The following SMCO4 variants were observed in gnomAD, a reference collection of about 807,000 sequenced individuals.
The protein encoded by SMCO4 is single-pass membrane and coiled-coil domain-containing protein 4.
A neutral mutation model predicts 3.6 loss-of-function variants in SMCO4; 4 were observed. The ratio of observed to expected loss-of-function variants is 1.11; its 90% CI spans 0.54 to 2.53. The LOEUF (loss-of-function observed/expected upper bound fraction) is 2.53, where lower values mean the gene tolerates loss of function less well. Ranked by LOEUF, SMCO4 falls within the 30% of genes most tolerant of loss-of-function variation. SMCO4 has a pLI of 0.02. For missense variants in SMCO4, 70 were observed against 80.8 expected, an observed-to-expected ratio of 0.87 and a Z score of 0.51; for synonymous variants, 36 against 35.3, an observed-to-expected ratio of 1.02 and a Z score of -0.07.
intron 1 of SMCO4, among the ~76,000 whole-genome samples, chr11:93,521,416 C>T (rs1327901350): frequency 6.6e-6 from 1 of 152,166 alleles, no homozygotes; most frequent in East Asian, 1.9e-4. Context: ...GCTAAAGCCA[C>T]TAAACTCGAG....
chr11:93,512,176 C>A (rs780922161), intron 1 of SMCO4, among the ~76,000 whole-genome samples: 1 of 152,130 alleles, frequency 6.6e-6, no homozygotes, highest in Admixed American at 6.6e-5. Flanking sequence ...TTTCCAAGAA[C>A]CCATGTATGA....
chr11:93,528,394 C>A (rs2605628), intron 1 of SMCO4, among the ~76,000 whole-genome samples: 119,750 of 152,204 alleles, frequency 0.79, 47,478 homozygotes, highest in South Asian at 0.86. Context: ...ACTGGAGACA[C>A]CCGCCTCCAG....
At chr11:93,548,436 TCA>T in the SMCO4 span, among the ~76,000 whole-genome samples, 1 of 152,264 alleles carries the variant, frequency 6.6e-6, no homozygotes, top group Non-Finnish European at 1.5e-5. Flanking sequence ...TGCAAAGGCT[TCA>T]GACCCATCAG....
intron 1 of SMCO4, chr11:93,535,591 A>T: frequency 6.5e-7 from 1 of 1,536,230 alleles, no homozygotes; most frequent in South Asian, 1.1e-5. Flanking sequence ...ATCCATTCCA[A>T]AGAAAGGTAC....
At chr11:93,525,643 CAG>C (rs1949099273) in intron 1 of SMCO4, among the ~76,000 whole-genome samples, 1 of 152,140 alleles carries the variant, frequency 6.6e-6, no homozygotes, top group African/African-American at 2.4e-5. Context: ...TACGACCAAC[CAG>C]AGAGTGCTTG....
Position 93,514,700 on chromosome 11 carries a change from T to C in SMCO4, c.-153-15352A>G, listed in dbSNP as rs74645518. On this transcript the variant is annotated intron_variant, in intron 1 of 2. Transcript: ENST00000298966. ...CTCAATAGTATATTCAATTAATAGC[T>C]GATTAAATGATTTCGGCATTCACAT... 8.5e-3 allele frequency among the ~76,000 whole-genome samples: 1,291 copies of C among 152,310 alleles called. 8 individuals carry two copies. Among genetic ancestry groups the C allele is most frequent in the African/African-American group, 0.029 (1,207 of 41,560 alleles).
At chr11:93,514,675 C>T (rs889001620) in intron 1 of SMCO4, among the ~76,000 whole-genome samples, 5 of 152,096 alleles carry the variant, frequency 3.3e-5, no homozygotes, top group Non-Finnish European at 7.3e-5. Flanking sequence ...AGAGGAGGCA[C>T]TCAATAGTAT....
chr11:93,534,375 T>TATATAG lies in SMCO4; in HGVS notation c.-154+8900_-154+8901insCTATAT, dbSNP rs369643237. Among the ~76,000 whole-genome samples, 1,085 of 142,104 alleles carry TATATAG rather than the reference T, an allele frequency of 7.6e-3. 21 individuals are homozygous for TATATAG. The highest frequency in any genetic ancestry group is 0.037 in the Admixed American group (517 of 14,008). The allele number at this position is 142,104 out of a possible 152,430, so 93.2% of individuals were successfully genotyped here. A position where few individuals can be genotyped will look rare whatever the true frequency, so the allele number is the denominator to read the frequency against. ...ACACATACATATATATATATATATATAGAGAGAGAGAGAGAGAGAGATACA... is the reference window on the plus strand; with the variant it reads ...ACACATACATATATATATATATATATATATAGAGAGAGAGAGAGAGAGAGAGATACA... On this transcript the variant is annotated intron_variant, in intron 1 of 2. Transcript: ENST00000298966.
chr11:93,519,431 G>A (rs926478106), intron 1 of SMCO4, among the ~76,000 whole-genome samples: 5 of 152,344 alleles, frequency 3.3e-5, no homozygotes, highest in East Asian at 1.9e-4. Flanking sequence ...CTGGGCAGGT[G>A]TTCAATTAGG....
At chr11:93,552,152 C>CT in the SMCO4 span, among the ~76,000 whole-genome samples, 28,600 of 109,100 alleles carry the variant, frequency 0.26, 4,960 homozygotes, top group Non-Finnish European at 0.33. Flanking sequence ...CTCATCACTA[C>CT]TTTTTTTTTT....
chr11:93,544,588 A>T (rs1358713024), upstream of SMCO4, among the ~76,000 whole-genome samples: 1 of 152,146 alleles, frequency 6.6e-6, no homozygotes, highest in East Asian at 1.9e-4. Context: ...CCTGCAGTCT[A>T]CTGGCTCTTC....
At chr11:93,521,830 G>A (rs1949060511) in intron 1 of SMCO4, among the ~76,000 whole-genome samples, 2 of 152,146 alleles carry the variant, frequency 1.3e-5, no homozygotes, top group Non-Finnish European at 2.9e-5. Context: ...CTGCCGCCAA[G>A]GACTTCGCAA....
chr11:93,505,113 C>A (rs1278702286), intron 1 of SMCO4, among the ~76,000 whole-genome samples: 1 of 152,224 alleles, frequency 6.6e-6, no homozygotes. Flanking sequence ...GATGATGCAG[C>A]TGGGCAAATG....
the SMCO4 span, among the ~76,000 whole-genome samples, chr11:93,553,874 C>T: frequency 6.6e-6 from 1 of 152,182 alleles, no homozygotes; most frequent in Non-Finnish European, 1.5e-5. Flanking sequence ...CCTTTATTTG[C>T]TCTACAAAGC....
chr11:93,514,641 C>T (rs933138122), intron 1 of SMCO4, among the ~76,000 whole-genome samples: 6 of 151,956 alleles, frequency 3.9e-5, no homozygotes, highest in African/African-American at 1.5e-4. Context: ...AACTTCTTAT[C>T]CACTCCACTG....
At chr11:93,543,166 G>T (rs1401701624) in intron 1 of SMCO4, 110 bp downstream of exon 1, 1 of 147,820 alleles carries the variant, frequency 6.8e-6, no homozygotes, top group Non-Finnish European at 1.5e-5. Flanking sequence ...GGCGGGAACC[G>T]TACTGTCCCG....
chr11:93,545,313 C>T (rs1949307134), upstream of SMCO4, among the ~76,000 whole-genome samples: 1 of 152,058 alleles, frequency 6.6e-6, no homozygotes, highest in Non-Finnish European at 1.5e-5. Flanking sequence ...CTTGGCTGGG[C>T]GTGGTGGCTT....
intron 2 of SMCO4, among the ~76,000 whole-genome samples, chr11:93,492,228 A>G (rs1046734628): frequency 2.0e-5 from 3 of 152,198 alleles, no homozygotes; most frequent in African/African-American, 7.2e-5. Flanking sequence ...AACCATGCAC[A>G]GATTCATTTA....
At chr11:93,525,811 T>C (rs1434771553) in intron 1 of SMCO4, among the ~76,000 whole-genome samples, 4 of 152,204 alleles carry the variant, frequency 2.6e-5, no homozygotes, top group Non-Finnish European at 5.9e-5. Flanking sequence ...GGCCACTGAC[T>C]TCAGCAGAGC....
Sources: gnomAD v4.1 joint callset for allele counts (sites outside exome capture counted in the v4.1 genomes callset) on GRCh38, gnomAD v4.1.1 for gene constraint, MANE v1.5 for transcripts, NCBI Gene and HGNC (gene_info 2026-07-23, HGNC 2026-07-21) for gene names.